RBFOX1: variants seen among roughly 807,000 people sequenced by gnomAD.
RBFOX1 encodes the protein RNA binding protein fox-1 homolog 1.
RBFOX1 carries 8 observed loss-of-function variants against 57.7 expected under a neutral mutation model. That is an observed-to-expected ratio of 0.14 (90% CI 0.08 to 0.25). The LOEUF is 0.25. Among genes scored for constraint, RBFOX1 ranks in the 10% least tolerant of loss-of-function variants. The pLI is 1.00. For missense variants in RBFOX1, 611 were observed against 548.5 expected, an observed-to-expected ratio of 1.11 and a Z score of -1.14; for synonymous variants, 326 against 222.4, an observed-to-expected ratio of 1.47 and a Z score of -4.15.
chr16:6,088,708 C>G (rs2096125277), intron 1 of RBFOX1, among the ~76,000 whole-genome samples: 1 of 152,120 alleles, frequency 6.6e-6, no homozygotes, highest in African/African-American at 2.4e-5. Context: ...GAGCCATGAA[C>G]CCCCTGCAAT....
Position 6,817,163 on chromosome 16 carries a change from C to G in RBFOX1, c.-16+162513C>G, listed in dbSNP as rs368678635. On this transcript the variant is annotated intron_variant, in intron 3 of 15. Transcript: ENST00000550418. ...TGCAACCTGCTGAGTAAAGGCTGATCCCTTGACTGGACCTGTTATACATCA... is the reference window on the plus strand; with the variant it reads ...TGCAACCTGCTGAGTAAAGGCTGATGCCTTGACTGGACCTGTTATACATCA... 1.1e-4 allele frequency among the ~76,000 whole-genome samples: 17 copies of G among 152,232 alleles called. No individual in the cohort carries two copies. The East Asian group carries it at 2.9e-3, about 26-fold the overall frequency.
chr16:5,684,769 C>A (rs2050451445), intron 3 of RBFOX1, among the ~76,000 whole-genome samples: 1 of 152,248 alleles, frequency 6.6e-6, no homozygotes, highest in East Asian at 1.9e-4. Flanking sequence ...AAATGCTTGG[C>A]TGGTATATCT....
At chr16:6,746,533 C>T (rs150531866) in intron 3 of RBFOX1, among the ~76,000 whole-genome samples, 48 of 151,810 alleles carry the variant, frequency 3.2e-4, no homozygotes, top group African/African-American at 9.9e-4. Flanking sequence ...AAAAAATTGC[C>T]GGGCATGATG....
chr16:6,232,868 C>T (rs549007412), intron 1 of RBFOX1, among the ~76,000 whole-genome samples: 1 of 152,152 alleles, frequency 6.6e-6, no homozygotes, highest in Admixed American at 6.5e-5. Flanking sequence ...GACTCAACTT[C>T]TGCACATGTA....
intron 1 of RBFOX1, among the ~76,000 whole-genome samples, chr16:6,142,846 T>C (rs2096729263): frequency 6.6e-6 from 1 of 152,196 alleles, no homozygotes; most frequent in Non-Finnish European, 1.5e-5. Flanking sequence ...GTCTCTGTCA[T>C]TCAAGACTCA....
chr16:5,564,479 A>C (rs897692822), intron 2 of RBFOX1, among the ~76,000 whole-genome samples: 1 of 152,064 alleles, frequency 6.6e-6, no homozygotes, highest in Non-Finnish European at 1.5e-5. Context: ...TTTTTGGTCT[A>C]ATAAGAAACC....
intron 1 of RBFOX1, among the ~76,000 whole-genome samples, chr16:6,271,694 A>G (rs761170014): frequency 1.3e-5 from 2 of 152,208 alleles, no homozygotes; most frequent in African/African-American, 2.4e-5. Context: ...ATCTTTGACA[A>G]CTTAGATGAA....
intron 3 of RBFOX1, among the ~76,000 whole-genome samples, chr16:6,937,202 C>T (rs1400634759): frequency 6.6e-6 from 1 of 151,948 alleles, no homozygotes; most frequent in South Asian, 2.1e-4. Context: ...TCAACTATGT[C>T]TGTAAGAAAT....
intron 4 of RBFOX1, among the ~76,000 whole-genome samples, chr16:7,386,049 A>G (rs1597127001): frequency 6.6e-6 from 1 of 151,732 alleles, no homozygotes; most frequent in Non-Finnish European, 1.5e-5. Context: ...TCAGCCTCCC[A>G]AAGTGCTGGG....
chr16:6,647,806 C>A (rs972789079), intron 2 of RBFOX1, among the ~76,000 whole-genome samples: 1 of 152,098 alleles, frequency 6.6e-6, no homozygotes, highest in African/African-American at 2.4e-5. Context: ...ACAATCTTAG[C>A]TCACTGTAGC....
At chr16:7,408,312 T>C (rs1199549589) in intron 4 of RBFOX1, among the ~76,000 whole-genome samples, 2 of 152,152 alleles carry the variant, frequency 1.3e-5, no homozygotes, top group Non-Finnish European at 2.9e-5. Flanking sequence ...TAGATGACAA[T>C]ACAGCAGAAG....
intron 4 of RBFOX1, among the ~76,000 whole-genome samples, chr16:5,968,156 C>T (rs2059887753): frequency 6.6e-6 from 1 of 152,138 alleles, no homozygotes; most frequent in Non-Finnish European, 1.5e-5. Flanking sequence ...CTCACTGCAA[C>T]CTCCACCTCC....
At chr16:6,861,487 T>TCCCCCCCC (rs34048714) in intron 3 of RBFOX1, among the ~76,000 whole-genome samples, 1 of 133,802 alleles carries the variant, frequency 7.5e-6, no homozygotes, top group Non-Finnish European at 1.6e-5. Flanking sequence ...CCCAACCCCC[T>TCCCCCCCC]CCCCCCCCGA....
chr16:6,208,328 C>A (rs1250289143), intron 1 of RBFOX1, among the ~76,000 whole-genome samples: 4 of 151,952 alleles, frequency 2.6e-5, no homozygotes, highest in Admixed American at 2.6e-4. Flanking sequence ...TGAAAGCAAA[C>A]ACCTATTGCA....
chr16:6,918,784 G>C (rs2073828671), intron 3 of RBFOX1, among the ~76,000 whole-genome samples: 1 of 152,118 alleles, frequency 6.6e-6, no homozygotes, highest in Non-Finnish European at 1.5e-5. Context: ...TTGGGCATAG[G>C]AGTATGCAGG....
At chr16:7,100,365 C>CT (rs1274140081) in intron 4 of RBFOX1, among the ~76,000 whole-genome samples, 1 of 151,984 alleles carries the variant, frequency 6.6e-6, no homozygotes, top group Non-Finnish European at 1.5e-5. Context: ...TAGAATCTGA[C>CT]TCCCCCCAGC....
At position 5,383,341 on chromosome 16, in the gene RBFOX1, G is replaced by A. The variant is rs114093202; in HGVS notation, c.220-83875G>A. Among the ~76,000 whole-genome samples, 1,091 of 152,228 alleles carry A rather than the reference G, an allele frequency of 7.2e-3. 15 individuals are homozygous for A. The highest frequency in any genetic ancestry group is 0.024 in the African/African-American group (1,008 of 41,540). ...GAGATGGCTTACAAAGATGAGAGCCGCTCAGACCTGAGTTGGCACCACTTT... is the reference window on the plus strand; with the variant it reads ...GAGATGGCTTACAAAGATGAGAGCCACTCAGACCTGAGTTGGCACCACTTT... On this transcript the variant is annotated intron_variant, in intron 1 of 2. Transcript: ENST00000585867.
chr16:6,830,792 G>A (rs1051338939), intron 3 of RBFOX1, among the ~76,000 whole-genome samples: 1 of 152,054 alleles, frequency 6.6e-6, no homozygotes, highest in Non-Finnish European at 1.5e-5. Flanking sequence ...GATGGTAAGG[G>A]GTCGAGAGAG....
chr16:6,402,331 T>G (rs537370462), intron 2 of RBFOX1, among the ~76,000 whole-genome samples: 41 of 152,306 alleles, frequency 2.7e-4, no homozygotes, highest in Non-Finnish European at 5.1e-4. Flanking sequence ...ATCTCACCCT[T>G]TGTTATAGGA....
Sources: gnomAD v4.1 joint callset for allele counts (sites outside exome capture counted in the v4.1 genomes callset) on GRCh38, gnomAD v4.1.1 for gene constraint, MANE v1.5 for transcripts, NCBI Gene and HGNC (gene_info 2026-07-23, HGNC 2026-07-21) for gene names.